Variants in UTP18 observed in about 807,000 individuals in gnomAD.
The protein encoded by UTP18 is UTP18 small subunit processome component, also known as U3 small nucleolar RNA-associated protein 18 homolog.
Under a neutral mutation model 61.1 loss-of-function variants are expected in UTP18, and 36 were observed. The ratio of observed to expected loss-of-function variants is 0.59; its 90% CI spans 0.45 to 0.78. The LOEUF is 0.78. Among genes scored for constraint, UTP18 ranks in the 30% least tolerant of loss-of-function variants. The probability of loss-of-function intolerance (pLI) is 0.00; values close to 1 mark genes in which losing one functional copy is unlikely to be tolerated. For missense variants in UTP18, 753 were observed against 693.9 expected (o/e 1.09, Z -0.96); for synonymous variants, 282 against 251.1 (o/e 1.12, Z -1.16).
chr17:51,263,147 C>T (rs2055524482), intron 1 of UTP18, 127 bp from the exon 2 acceptor site: 1 of 737,370 alleles, frequency 1.4e-6, no homozygotes, highest in South Asian at 1.8e-5. Flanking sequence ...TGGTAGCATT[C>T]CATCCCATTA....
chr17:51,270,614 C>G (rs1183451195), intron 4 of UTP18, among the ~76,000 whole-genome samples: 4 of 152,302 alleles, frequency 2.6e-5, no homozygotes, highest in Non-Finnish European at 5.9e-5. Context: ...TATAGAAGTT[C>G]TGTCATCTTC....
chr17:51,269,864 T>TGTGTGTGTGTGTCA (rs1363360101), intron 4 of UTP18, among the ~76,000 whole-genome samples: 3 of 151,898 alleles, frequency 2.0e-5, no homozygotes, highest in South Asian at 2.1e-4. Flanking sequence ...TGTGTGTGTG[T>TGTGTGTGTGTGTCA]GTGTGTCAGT....
intron 10 of UTP18, among the ~76,000 whole-genome samples, 196 bp downstream of exon 10, chr17:51,285,564 C>T (rs1905079243): frequency 6.6e-6 from 1 of 152,076 alleles, no homozygotes; most frequent in African/African-American, 2.4e-5. Context: ...CAGTAGTTCC[C>T]CCCTTATCTG....
chr17:51,260,674 A>G lies in UTP18; in HGVS notation c.90A>G (p.Lys30=), dbSNP rs771568721. The G allele has an allele frequency of 6.2e-7, 1 of 1,611,322 alleles. No homozygotes were observed. The highest frequency in any genetic ancestry group is 8.5e-7 in the Non-Finnish European group (1 of 1,179,306). ...AGCCCGGAATGAGGCCGGACTGGAA[A>G]GCCGGAGCGGGGCCAGGCGGGCCTC... The part of the protein sequence containing the change: ...KRKPGMRPDW[K]AGAGPGGPPQ... Residue 30 remains lysine, a synonymous_variant, in exon 1 of 14, where the codon AAA becomes AAG. Coordinates refer to ENST00000225298, the MANE Select transcript of UTP18 (RefSeq NM_016001.3).
At chr17:51,284,351 C>T (rs1905040250) in intron 9 of UTP18, among the ~76,000 whole-genome samples, 1 of 151,806 alleles carries the variant, frequency 6.6e-6, no homozygotes, top group South Asian at 2.1e-4. Context: ...TTAGAGTAAA[C>T]TATTTGTGCT....
chr17:51,264,538 T>G (rs1166401362), intron 2 of UTP18, among the ~76,000 whole-genome samples: 2 of 152,136 alleles, frequency 1.3e-5, no homozygotes, highest in Non-Finnish European at 2.9e-5. Context: ...GCTCTACCAG[T>G]TTGCCTTCCC....
chr17:51,294,068 A>G (rs1276687202), intron 12 of UTP18, 23 bp downstream of exon 12: 2 of 1,543,490 alleles, frequency 1.3e-6, no homozygotes, highest in Non-Finnish European at 1.7e-6. Context: ...TATGTTTAAA[A>G]GTCAGAGATA....
chr17:51,283,390 A>C, intron 9 of UTP18, among the ~76,000 whole-genome samples: 1 of 151,806 alleles, frequency 6.6e-6, no homozygotes, highest in East Asian at 1.9e-4. Flanking sequence ...CTGGTCTTGA[A>C]CTACTGACCT....
chr17:51,280,850 G>A (rs990077160), intron 9 of UTP18, among the ~76,000 whole-genome samples: 28 of 150,832 alleles, frequency 1.9e-4, no homozygotes, highest in African/African-American at 5.9e-4. Context: ...TATCCTGGGC[G>A]ACAGAGCAAG....
At position 51,293,956 on chromosome 17, in the gene UTP18, G is replaced by T; in HGVS notation, c.1557G>T (p.Lys519Asn). The change falls in exon 12 of 14, where the codon AAG becomes AAT. Residue 519 changes from lysine (K) to asparagine (N), a missense_variant. Physicochemically the swap from Lys to Asn is moderately conservative, Grantham distance 94. Coordinates refer to ENST00000225298, the MANE Select transcript of UTP18 (RefSeq NM_016001.3). ...VFSNFPVIKN[K>N]NISHVHTMDF... The stretch of plus-strand genomic sequence containing the variant: ...CAAACTTCCCAGTCATTAAAAATAA[G>T]AATATTTCTCATGTTCATACCATGG... 2 of 1,606,566 alleles carry T rather than the reference G, an allele frequency of 1.2e-6. No homozygotes were observed. Among genetic ancestry groups the T allele is most frequent in the South Asian group, 1.1e-5 (1 of 89,662 alleles).
chr17:51,266,790 C>A (rs778110115), intron 3 of UTP18, among the ~76,000 whole-genome samples: 1 of 152,138 alleles, frequency 6.6e-6, no homozygotes, highest in Non-Finnish European at 1.5e-5. Flanking sequence ...TAACAGTTTA[C>A]GGCTAGTCCA....
chr17:51,296,452 TTA>T (rs1905370732), intron 12 of UTP18: 2 of 152,396 alleles, frequency 1.3e-5, no homozygotes, highest in African/African-American at 4.8e-5. Context: ...GGAAAACAGG[TTA>T]TACCAGGATA....
At position 51,292,105 on chromosome 17, in the gene UTP18, C is replaced by G. The variant is rs1324930747; in HGVS notation, c.1504-1798C>G. On this transcript the variant is annotated intron_variant, in intron 11 of 13. Transcript: ENST00000225298. Reference sequence around the variant, plus strand: ...TTATCACAAATTTATATAATATCTGCCTTCCCAAATTAAATGTAAATAAAT... The same window carrying G: ...TTATCACAAATTTATATAATATCTGGCTTCCCAAATTAAATGTAAATAAAT... Among the ~76,000 whole-genome samples the G allele has an allele frequency of 3.9e-5, 6 of 152,308 alleles. No homozygotes were observed. In the South Asian group the frequency reaches 1.2e-3, roughly 32 times the overall value.
At position 51,263,308 on chromosome 17, in the gene UTP18, T is replaced by A; in HGVS notation, c.377T>A (p.Val126Glu). The A allele has an allele frequency of 6.2e-7, 1 of 1,614,166 alleles. No individual in the cohort carries two copies. The highest frequency in any genetic ancestry group is 8.5e-7 in the Non-Finnish European group (1 of 1,180,026). Residue 126 changes from valine (V) to glutamate (E), a missense_variant, in exon 2 of 14, where the codon GTG (valine) becomes GAG (glutamate). Val to Glu is a moderately radical substitution (Grantham distance 121). Transcript: ENST00000225298. Reference protein sequence around the residue: ...QEHEDSGDSEVENEAKGNFPP... With the variant: ...QEHEDSGDSEEENEAKGNFPP... Reference sequence around the variant, plus strand: ...CATGAAGACTCGGGTGACTCAGAAGTGGAGAATGAAGCAAAAGGTAATTTT... The same window carrying A: ...CATGAAGACTCGGGTGACTCAGAAGAGGAGAATGAAGCAAAAGGTAATTTT...
In UTP18 at chr17:51,280,080, G is replaced by C. The variant is rs372541415; in HGVS notation, c.1088G>C (p.Gly363Ala). 4.6e-5 allele frequency: 74 copies of C among 1,613,736 alleles called. No homozygotes were observed. Among genetic ancestry groups the C allele is most frequent in the Non-Finnish European group, 5.9e-5 (70 of 1,179,836 alleles). Residue 363 changes from glycine (G) to alanine (A), a missense_variant, in exon 8 of 14, where the codon GGA becomes GCA. Physicochemically the swap from Gly to Ala is moderately conservative, Grantham distance 60 (BLOSUM62 0). Coordinates refer to ENST00000225298, the MANE Select transcript of UTP18 (RefSeq NM_016001.3). ...GSFLLINGIA[G>A]YLHLLAMKTK... ...TTCTTGCTCATAAATGGCATTGCTG[G>C]ATATTTGCATTTGCTAGCAATGAAG...
chr17:51,262,933 G>A (rs1490303025), intron 1 of UTP18, among the ~76,000 whole-genome samples: 2 of 152,166 alleles, frequency 1.3e-5, no homozygotes, highest in Non-Finnish European at 2.9e-5. Context: ...GTTTGCCTCC[G>A]GTCCTGTAAT....
intron 10 of UTP18, among the ~76,000 whole-genome samples, chr17:51,287,421 G>A (rs1201469135): frequency 6.6e-6 from 1 of 152,164 alleles, no homozygotes; most frequent in African/African-American, 2.4e-5. Context: ...AGTAGGAATG[G>A]CAGTGGGGGA....
At chr17:51,265,400 A>G (rs913760323) in intron 2 of UTP18, among the ~76,000 whole-genome samples, 7 of 150,982 alleles carry the variant, frequency 4.6e-5, no homozygotes, top group African/African-American at 1.7e-4. Context: ...AGTAGATGGG[A>G]TTACAGGCTC....
chr17:51,286,880 G>T lies in UTP18; in HGVS notation c.1329-1149G>T, dbSNP rs535490622. 5.9e-5 allele frequency among the ~76,000 whole-genome samples: 9 copies of T among 152,012 alleles called. No homozygotes were observed. The East Asian group carries it at 9.7e-4, about 16-fold the overall frequency. On this transcript the variant is annotated intron_variant, in intron 10 of 13. Transcript: ENST00000225298. ...TTAGGGTACATGTGCATAACGTGCA[G>T]GTTTGTTACATATGTATACATGTGC...
Sources: allele counts gnomAD v4.1 joint callset (sites outside exome capture counted in the v4.1 genomes callset), GRCh38; gene constraint gnomAD v4.1.1; transcripts MANE v1.5; gene names NCBI Gene and HGNC (gene_info 2026-07-23, HGNC 2026-07-21).